Variants in TRIM36 observed in about 807,000 individuals in gnomAD.
TRIM36 encodes the protein tripartite motif containing 36, also known as E3 ubiquitin-protein ligase TRIM36.
TRIM36 carries 42 observed loss-of-function variants against 72.4 expected under a neutral mutation model. That is an observed-to-expected ratio of 0.58 (90% CI 0.45 to 0.75). TRIM36 has a LOEUF of 0.75. Ranked by LOEUF, TRIM36 falls within the 30% of genes least tolerant of loss-of-function variation. The pLI is 0.00. For synonymous variants in TRIM36, 315 were observed against 282.8 expected (o/e 1.11, Z -1.14); for missense variants, 913 against 857.1 (o/e 1.07, Z -0.81).
intron 2 of TRIM36, chr5:115,149,091 T>C (rs1193679077): frequency 6.6e-6 from 1 of 152,224 alleles, no homozygotes; most frequent in African/African-American, 2.4e-5. Flanking sequence ...AAAGATATTT[T>C]AACGTTTACA....
Position 115,130,826 on chromosome 5 carries a change from T to C in TRIM36, c.1562A>G (p.Lys521Arg), listed in dbSNP as rs199588863. Residue 521 changes from lysine (K) to arginine (R), a missense_variant, in exon 9 of 10, where the codon AAG (lysine) becomes AGG (arginine). Transcript: ENST00000513154. ...AGCTCTACTCTCTACACGGTCTCTCTTCAAGTTCAGCAGGAGGTGTTCATT... is the reference window on the plus strand; with the variant it reads ...AGCTCTACTCTCTACACGGTCTCTCCTCAAGTTCAGCAGGAGGTGTTCATT... ...YNNEHLLLNL[K>R]RDRVESRAGF... 4.2e-5 allele frequency: 68 copies of C among 1,614,128 alleles called. 1 individual carries two copies. In the Admixed American group the frequency reaches 1.0e-3, roughly 25 times the overall value.
At chr5:115,139,345 A>G (rs1379729656) in intron 5 of TRIM36, among the ~76,000 whole-genome samples, 3 of 141,596 alleles carry the variant, frequency 2.1e-5, no homozygotes, top group Non-Finnish European at 3.1e-5. Context: ...CTGGTCTCGA[A>G]CTCCTGACCT....
At chr5:115,138,550 T>C (rs1367213190) in intron 5 of TRIM36, among the ~76,000 whole-genome samples, 3 of 152,134 alleles carry the variant, frequency 2.0e-5, no homozygotes, top group South Asian at 4.2e-4. Context: ...CTTTCTGTTT[T>C]TTCTCTTCTG....
chr5:115,177,670 G>C (rs1755396791), intron 1 of TRIM36: 1 of 1,605,262 alleles, frequency 6.2e-7, no homozygotes, highest in Non-Finnish European at 8.5e-7. Context: ...TAGGAAATAA[G>C]CTTACGTTGA....
chr5:115,171,950 G>C (rs1167044351), upstream of TRIM36, among the ~76,000 whole-genome samples: 1 of 152,048 alleles, frequency 6.6e-6, no homozygotes, highest in East Asian at 1.9e-4. Context: ...TTTTTGTTTT[G>C]GTCCCATGAG....
chr5:115,155,579 A>G (rs923110798), intron 2 of TRIM36, among the ~76,000 whole-genome samples: 1 of 152,232 alleles, frequency 6.6e-6, no homozygotes, highest in African/African-American at 2.4e-5. Context: ...GCTCATCTCA[A>G]TAGATGCTAA....
At chr5:115,178,711 G>T (rs1473168128) in intron 1 of TRIM36, among the ~76,000 whole-genome samples, 2 of 152,198 alleles carry the variant, frequency 1.3e-5, no homozygotes, top group African/African-American at 4.8e-5. Context: ...CTGGCCCGGG[G>T]TTGTAAATGG....
intron 1 of TRIM36, among the ~76,000 whole-genome samples, chr5:115,164,600 G>A (rs928353288): frequency 2.0e-5 from 3 of 152,132 alleles, no homozygotes; most frequent in Admixed American, 6.5e-5. Context: ...ACAGCATGGG[G>A]AAAATCTACC....
Position 115,137,535 on chromosome 5 carries a change from C to T in TRIM36, c.913G>A (p.Val305Ile). The change falls in exon 6 of 10, where the codon GTT becomes ATT. Residue 305 changes from valine (V) to isoleucine (I), a missense_variant. Coordinates refer to ENST00000513154, the MANE Select transcript of TRIM36 (RefSeq NM_001300759.2). ...FEVLEERKSS[V>I]LKAIDSSKKL... ...TTAGAGGAGTCAATTGCTTTCAAAA[C>T]AGATGATTTCCTCTCTTCCAGAACT... The T allele has an allele frequency of 1.2e-6, 2 of 1,614,062 alleles. No individual in the cohort carries two copies. Among genetic ancestry groups the T allele is most frequent in the Non-Finnish European group, 1.7e-6 (2 of 1,179,988 alleles).
intron 4 of TRIM36, among the ~76,000 whole-genome samples, chr5:115,142,656 T>C (rs1753340580): frequency 6.6e-6 from 1 of 152,184 alleles, no homozygotes; most frequent in African/African-American, 2.4e-5. Context: ...TCCCCTCAAA[T>C]CTAGCCAGTT....
chr5:115,161,603 G>C (rs1043169245), intron 2 of TRIM36, among the ~76,000 whole-genome samples: 20 of 152,164 alleles, frequency 1.3e-4, no homozygotes, highest in African/African-American at 4.8e-4. Context: ...TCAAGTTTTT[G>C]TGAAAAACCA....
intron 8 of TRIM36, among the ~76,000 whole-genome samples, chr5:115,132,686 T>G (rs1752757407): frequency 6.6e-6 from 1 of 152,090 alleles, no homozygotes; most frequent in Admixed American, 6.5e-5. Context: ...TCTCCCAGTT[T>G]GCAAAATAAA....
intron 9 of TRIM36, among the ~76,000 whole-genome samples, chr5:115,128,876 A>T (rs1752507252): frequency 1.3e-5 from 2 of 151,780 alleles, no homozygotes; most frequent in South Asian, 4.2e-4. Context: ...GTGTGTTTGT[A>T]AAGTTTACAG....
chr5:115,145,728 A>T (rs1429587927), intron 3 of TRIM36, among the ~76,000 whole-genome samples: 2 of 152,170 alleles, frequency 1.3e-5, no homozygotes, highest in Admixed American at 1.3e-4. Flanking sequence ...AGGAACGAAC[A>T]AAAAGTACAA....
Position 115,126,123 on chromosome 5 carries a change from G to C in TRIM36, c.*380C>G, listed in dbSNP as rs1001622351. ...ATATCTTCTCTTAGGACATAAACATGATATAAAAATGAAAAGTCAAACAGA... is the reference window on the plus strand; with the variant it reads ...ATATCTTCTCTTAGGACATAAACATCATATAAAAATGAAAAGTCAAACAGA... On this transcript the variant is annotated 3_prime_UTR_variant, in exon 10 of 10. Coordinates refer to ENST00000513154, the MANE Select transcript of TRIM36 (RefSeq NM_001300759.2). The C allele has an allele frequency of 2.0e-4, 36 of 178,532 alleles. No homozygotes were observed. The highest frequency in any genetic ancestry group is 8.3e-4 in the African/African-American group (35 of 42,060). The allele number at this position is 178,532 out of a possible 1,614,324, so 11.1% of individuals were successfully genotyped here. A position where few individuals can be genotyped will look rare whatever the true frequency, so the allele number is the denominator to read the frequency against.
chr5:115,158,061 T>C (rs1431186860), intron 2 of TRIM36, among the ~76,000 whole-genome samples: 1 of 151,974 alleles, frequency 6.6e-6, no homozygotes. Flanking sequence ...AAATCACCAC[T>C]GAAGAACTTA....
intron 4 of TRIM36, among the ~76,000 whole-genome samples, chr5:115,141,795 T>C (rs910289154): frequency 7.9e-5 from 12 of 152,078 alleles, no homozygotes; most frequent in Non-Finnish European, 1.5e-4. Flanking sequence ...CACACACCTA[T>C]ACACAATAGG....
chr5:115,153,339 C>CGATCCTAAA (rs1554064054), intron 2 of TRIM36, among the ~76,000 whole-genome samples: 1 of 151,648 alleles, frequency 6.6e-6, no homozygotes, highest in African/African-American at 2.4e-5. Context: ...GAAAATATCA[C>CGATCCTAAA]AATCCTAAAC....
Position 115,179,903 on chromosome 5 carries a change from G to A in TRIM36, c.63+72C>T, listed in dbSNP as rs1755537431. The A allele has an allele frequency of 1.2e-5, 17 of 1,463,968 alleles. No individual in the cohort carries two copies. The Admixed American group carries it at 2.6e-4, about 22-fold the overall frequency. The allele number at this position is 1,463,968 out of a possible 1,614,324, so 90.7% of individuals were successfully genotyped here. ...CCCAGGCGCTGGAATGGACACGGACGCCCACAGTGGCGGGCCAGGTAGTGC... is the reference window on the plus strand; with the variant it reads ...CCCAGGCGCTGGAATGGACACGGACACCCACAGTGGCGGGCCAGGTAGTGC... On this transcript the variant is annotated intron_variant, in intron 1 of 9. Transcript: ENST00000282369.
Sources: gnomAD v4.1 joint callset for allele counts (sites outside exome capture counted in the v4.1 genomes callset) on GRCh38, gnomAD v4.1.1 for gene constraint, MANE v1.5 for transcripts, NCBI Gene and HGNC (gene_info 2026-07-23, HGNC 2026-07-21) for gene names.